PTPRD: variants seen among roughly 807,000 people sequenced by gnomAD.
The protein encoded by PTPRD is receptor-type tyrosine-protein phosphatase delta.
PTPRD carries 34 observed loss-of-function variants against 214.5 expected under a neutral mutation model. The ratio of observed to expected loss-of-function variants is 0.16; its 90% confidence interval spans 0.12 to 0.21. PTPRD has a LOEUF of 0.21. Ranked by LOEUF, PTPRD falls within the 10% of genes least tolerant of loss-of-function variation. PTPRD has a pLI of 1.00. For missense variants in PTPRD, 2,545 were observed against 2,398.7 expected (o/e 1.06, Z -1.27); for synonymous variants, 1,128 against 845.7 (o/e 1.33, Z -5.79).
In PTPRD at chr9:9,050,695, C is replaced by T. The variant is rs1044390726; in HGVS notation, c.-142-31960G>A. On this transcript the variant is annotated intron_variant, in intron 10 of 45. Coordinates refer to ENST00000381196, the MANE Select transcript of PTPRD (RefSeq NM_002839.4). ...GCATCCATGCTATACATGCTACCTACCTCTTAGTAGCTGTCTAGGTTATTA... is the reference window on the plus strand; with the variant it reads ...GCATCCATGCTATACATGCTACCTATCTCTTAGTAGCTGTCTAGGTTATTA... Among the ~76,000 whole-genome samples the T allele has an allele frequency of 6.3e-4, 11 of 17,480 alleles. No individual in the cohort carries two copies. The Non-Finnish European group carries it at 0.039, about 62-fold the overall frequency. The allele number at this position is 17,480 out of a possible 152,430, so 11.5% of individuals were successfully genotyped here.
chr9:9,068,766 C>T (rs1431049158), intron 10 of PTPRD, among the ~76,000 whole-genome samples: 1 of 152,052 alleles, frequency 6.6e-6, no homozygotes, highest in East Asian at 1.9e-4. Context: ...CGCGTGTCAC[C>T]ATACCTAGCT....
rs377572156 is a variant in PTPRD, at chr9:10,416,881, G to A, written c.-599-75864C>T. 4.0e-4 allele frequency among the ~76,000 whole-genome samples: 61 copies of A among 151,982 alleles called. 1 individual carries two copies. Among genetic ancestry groups the A allele is most frequent in the Admixed American group, 1.6e-3 (25 of 15,224 alleles). On this transcript the variant is annotated intron_variant, in intron 2 of 45. Coordinates refer to ENST00000381196, the MANE Select transcript of PTPRD (RefSeq NM_002839.4). The stretch of plus-strand genomic sequence containing the variant: ...CATAGCAAGGAGAGAGTTCTGAGGT[G>A]AGGGTTCTAAGAGTCCTGGAAAATA...
At chr9:10,190,104 C>T (rs551776487) in intron 3 of PTPRD, among the ~76,000 whole-genome samples, 10 of 148,782 alleles carry the variant, frequency 6.7e-5, no homozygotes, top group East Asian at 6.2e-4. Flanking sequence ...CGGTGGGTCA[C>T]GCCCGTAATC....
At chr9:9,458,810 T>C (rs780951776) in intron 8 of PTPRD, among the ~76,000 whole-genome samples, 13 of 152,014 alleles carry the variant, frequency 8.6e-5, no homozygotes, top group Non-Finnish European at 1.6e-4. Context: ...TGTGGTGGTG[T>C]ATGCCTGCAG....
rs1950914995 is a variant in PTPRD at position 9,290,794 on chromosome 9, A to T, written c.-203+106655T>A. On this transcript the variant is annotated intron_variant, in intron 9 of 45. Transcript: ENST00000381196. ...AGATTCATTTGCTAATTATTTTTCCAGTGATGAATATTATAATATCATTAA... is the reference window on the plus strand; with the variant it reads ...AGATTCATTTGCTAATTATTTTTCCTGTGATGAATATTATAATATCATTAA... Among the ~76,000 whole-genome samples, 4 of 151,682 alleles carry T rather than the reference A, an allele frequency of 2.6e-5. No homozygotes were observed. In the South Asian group the frequency reaches 8.3e-4, roughly 31 times the overall value.
chr9:9,078,334 T>C (rs528039827), intron 10 of PTPRD, among the ~76,000 whole-genome samples: 13 of 152,222 alleles, frequency 8.5e-5, no homozygotes, highest in African/African-American at 2.4e-4. Context: ...TCCTTAATTA[T>C]ATCATAGTTA....
At chr9:8,574,423 A>T (rs1249571907) in intron 14 of PTPRD, among the ~76,000 whole-genome samples, 1 of 152,044 alleles carries the variant, frequency 6.6e-6, no homozygotes, top group Non-Finnish European at 1.5e-5. Context: ...GGGAGGCCCT[A>T]AAAATTGGTC....
chr9:9,044,039 C>T (rs2099659308), intron 10 of PTPRD, among the ~76,000 whole-genome samples: 1 of 151,982 alleles, frequency 6.6e-6, no homozygotes, highest in African/African-American at 2.4e-5. Context: ...TAAATAAGAG[C>T]TAATGTTACT....
At chr9:8,570,037 A>T (rs2090625864) in intron 14 of PTPRD, among the ~76,000 whole-genome samples, 1 of 152,136 alleles carries the variant, frequency 6.6e-6, no homozygotes, top group Non-Finnish European at 1.5e-5. Flanking sequence ...TCGCATAAGT[A>T]GATATCAGCC....
chr9:8,685,288 G>A (rs1002487542), intron 12 of PTPRD, among the ~76,000 whole-genome samples: 19 of 151,790 alleles, frequency 1.3e-4, no homozygotes, highest in East Asian at 1.2e-3. Context: ...TATATTTGGC[G>A]TGAGAGTAGA....
chr9:8,665,068 A>G (rs1291193499), intron 12 of PTPRD, among the ~76,000 whole-genome samples: 1 of 152,228 alleles, frequency 6.6e-6, no homozygotes, highest in Non-Finnish European at 1.5e-5. Flanking sequence ...CAATAAAAGT[A>G]AAGCAGCAAA....
At chr9:8,364,621 C>T (rs887047699) in intron 39 of PTPRD, among the ~76,000 whole-genome samples, 2 of 146,150 alleles carry the variant, frequency 1.4e-5, no homozygotes, top group Non-Finnish European at 2.9e-5. Flanking sequence ...GACAGCATGT[C>T]AAGTAATTTT....
chr9:8,970,130 A>G (rs964352313), intron 11 of PTPRD, among the ~76,000 whole-genome samples: 1 of 151,940 alleles, frequency 6.6e-6, no homozygotes, highest in African/African-American at 2.4e-5. Flanking sequence ...TAGAAATTCT[A>G]GACTCGTTTA....
At chr9:9,678,025 C>A (rs764703881) in intron 7 of PTPRD, among the ~76,000 whole-genome samples, 38 of 152,110 alleles carry the variant, frequency 2.5e-4, no homozygotes, top group African/African-American at 9.2e-4. Context: ...ATGTGAAGGA[C>A]CTCTTCAAGG....
intron 9 of PTPRD, among the ~76,000 whole-genome samples, chr9:9,201,698 G>A (rs1444183413): frequency 6.6e-6 from 1 of 151,942 alleles, no homozygotes; most frequent in East Asian, 1.9e-4. Flanking sequence ...GCATTTAAAA[G>A]GTAAAAATAA....
At chr9:8,713,963 G>A in intron 12 of PTPRD, 1 of 621,230 alleles carries the variant, frequency 1.6e-6, no homozygotes, top group African/African-American at 1.8e-5. Context: ...AGTGAGGCCT[G>A]ACCTTGGTAC....
chr9:10,049,177 G>A (rs895950770), intron 3 of PTPRD, among the ~76,000 whole-genome samples: 13 of 152,066 alleles, frequency 8.5e-5, no homozygotes, highest in Admixed American at 3.9e-4. Context: ...TGGCGTTTGC[G>A]GAAAAAGGAG....
In PTPRD at chr9:8,317,110, T is replaced by TTAA; in HGVS notation, c.*761_*763dup. On this transcript the variant is annotated 3_prime_UTR_variant, in exon 46 of 46. Transcript: ENST00000381196. ...CACCAATCAAAACTGAAGTGTAAAA[T>TTAA]TAATATATCTGACGAGACTGATACT... The TTAA allele has an allele frequency of 4.3e-6, 1 of 231,964 alleles. No individual in the cohort carries two copies. The highest frequency in any genetic ancestry group is 8.5e-6 in the Non-Finnish European group (1 of 117,008). 14.4% of individuals were successfully genotyped at this position (231,964 alleles called of 1,614,324 possible).
chr9:10,072,488 A>T (rs2098043083), intron 3 of PTPRD, among the ~76,000 whole-genome samples: 3 of 152,066 alleles, frequency 2.0e-5, no homozygotes, highest in African/African-American at 7.2e-5. Flanking sequence ...ATTTATTGTG[A>T]AGGTCGAAAG....
Sources: allele counts gnomAD v4.1 joint callset (sites outside exome capture counted in the v4.1 genomes callset), GRCh38; gene constraint gnomAD v4.1.1; transcripts MANE v1.5; gene names NCBI Gene and HGNC (gene_info 2026-07-23, HGNC 2026-07-21).